The following POLH variants were observed in gnomAD, a reference collection of about 807,000 sequenced individuals.
POLH encodes the protein DNA polymerase eta, also known as DNA polymerase eta transcript.
Under a neutral mutation model 73.6 loss-of-function variants are expected in POLH, and 53 were observed. The ratio of observed to expected loss-of-function variants is 0.72; its 90% CI spans 0.58 to 0.91. The LOEUF (loss-of-function observed/expected upper bound fraction) is 0.91. Among genes scored for constraint, POLH ranks in the 40% least tolerant of loss-of-function variants. The pLI is 0.00. For synonymous variants in POLH, 292 were observed against 308.5 expected (o/e 0.95, Z 0.56); for missense variants, 768 against 865.4 (o/e 0.89, Z 1.41).
chr6:43,589,631 C>A (rs367943982), intron 4 of POLH, among the ~76,000 whole-genome samples: 32 of 150,992 alleles, frequency 2.1e-4, no homozygotes, highest in Admixed American at 9.9e-4. Context: ...ATTATTAGTT[C>A]CTTGTCTTTT....
chr6:43,616,596 AAAAAC>A lies in POLH; in HGVS notation c.*2044_*2048del, dbSNP rs1216570840. On this transcript the variant is annotated 3_prime_UTR_variant, in exon 11 of 11. Coordinates refer to ENST00000372236, the MANE Select transcript of POLH (RefSeq NM_006502.3). ...AGTGAGAGACTGTCTCAAAAAAAAAAAAAACAAAAGAAAAACTTCTCTCTAGCTCT... is the reference window on the plus strand; with the variant it reads ...AGTGAGAGACTGTCTCAAAAAAAAAAAAAAGAAAAACTTCTCTCTAGCTCT... 6.6e-6 allele frequency among the ~76,000 whole-genome samples: 1 copy of A among 151,864 alleles called. No homozygotes were observed. Among genetic ancestry groups the A allele is most frequent in the Non-Finnish European group, 1.5e-5 (1 of 67,988 alleles).
chr6:43,610,228 G>GT (rs1767754027), intron 9 of POLH, among the ~76,000 whole-genome samples: 1 of 151,144 alleles, frequency 6.6e-6, no homozygotes, highest in African/African-American at 2.4e-5. Context: ...CGACTGGCTA[G>GT]TTTTTTTGTA....
intron 7 of POLH, among the ~76,000 whole-genome samples, 189 bp downstream of exon 7, chr6:43,604,200 A>T (rs1767030520): frequency 6.6e-6 from 1 of 152,148 alleles, no homozygotes. Context: ...AGTTTTTTCC[A>T]TGTACCTAGG....
At position 43,610,993 on chromosome 6, in the gene POLH, A is replaced by G. The variant is rs3757268; in HGVS notation, c.1244+270A>G. Among the ~76,000 whole-genome samples, 28,638 of 152,078 alleles carry G rather than the reference A, an allele frequency of 0.19. 5,754 individuals carry two copies. The highest frequency in any genetic ancestry group is 0.51 in the African/African-American group (21,076 of 41,432). On this transcript the variant is annotated intron_variant, in intron 10 of 10. Coordinates refer to ENST00000372236, the MANE Select transcript of POLH (RefSeq NM_006502.3). Reference sequence around the variant, plus strand: ...TGTAATCCCAGCACTTTGGGAGGCCAAGGTGGGTGAATCACCTGAGGTCTG... The same window carrying G: ...TGTAATCCCAGCACTTTGGGAGGCCGAGGTGGGTGAATCACCTGAGGTCTG...
chr6:43,590,454 T>G (rs939058142), intron 4 of POLH, among the ~76,000 whole-genome samples: 18 of 152,066 alleles, frequency 1.2e-4, no homozygotes, highest in Admixed American at 3.3e-4. Flanking sequence ...TGAGGGTTTT[T>G]TTTTTGTTTT....
intron 2 of POLH, 95 bp downstream of exon 2, chr6:43,582,551 A>G: frequency 8.0e-7 from 1 of 1,252,404 alleles, no homozygotes; most frequent in Admixed American, 1.7e-5. Flanking sequence ...TGGTGGTGAC[A>G]GGGCCTTTCT....
At position 43,604,656 on chromosome 6, in the gene POLH, C is replaced by T; in HGVS notation, c.926C>T (p.Pro309Leu). ...YAMCRGIEHD[P>L]VKPRQLPKTI... ...ATGTGCCGAGGGATTGAACATGATC[C>T]AGTTAAACCCAGGCAACTACCCAAA... The change falls in exon 8 of 11, where the codon CCA becomes CTA. Residue 309 changes from proline (P) to leucine (L), a missense_variant. Coordinates refer to ENST00000372236, the MANE Select transcript of POLH (RefSeq NM_006502.3). 1 of 1,613,932 alleles carries T rather than the reference C, an allele frequency of 6.2e-7. No homozygotes were observed. The highest frequency in any genetic ancestry group is 8.5e-7 in the Non-Finnish European group (1 of 1,179,826).
chr6:43,617,041 T>A lies in POLH; in HGVS notation c.*2484T>A, dbSNP rs766681109. On this transcript the variant is annotated 3_prime_UTR_variant, in exon 11 of 11. Coordinates refer to ENST00000372236, the MANE Select transcript of POLH (RefSeq NM_006502.3). ...CCTGTATCTACTAAAAATACAAAAA[T>A]TAGCCGGGCATGGTGGTGGGTGCGT... is the stretch of plus-strand genomic sequence containing the variant. Among the ~76,000 whole-genome samples the A allele has an allele frequency of 6.6e-6, 1 of 152,014 alleles. No homozygotes were observed.
chr6:43,578,114 C>T (rs1414091221), intron 1 of POLH, among the ~76,000 whole-genome samples: 5 of 151,550 alleles, frequency 3.3e-5, no homozygotes, highest in South Asian at 2.1e-4. Flanking sequence ...AGGCCGAGCG[C>T]GATGGCTCAC....
intron 4 of POLH, among the ~76,000 whole-genome samples, chr6:43,588,062 C>CT (rs1271597528): frequency 6.6e-6 from 1 of 152,158 alleles, no homozygotes; most frequent in Non-Finnish European, 1.5e-5. Flanking sequence ...AGAAGGCTGA[C>CT]TGAGCACTTT....
At chr6:43,599,642 T>G (rs1766507552) in intron 5 of POLH, among the ~76,000 whole-genome samples, 1 of 150,882 alleles carries the variant, frequency 6.6e-6, no homozygotes, top group South Asian at 2.1e-4. Context: ...TTGGTGTTTT[T>G]TTTTTTCCTG....
Position 43,619,925 on chromosome 6 carries a change from T to G in POLH, c.*5368T>G, listed in dbSNP as rs1768602172. On this transcript the variant is annotated 3_prime_UTR_variant, in exon 11 of 11. Transcript: ENST00000372236. ...GCCACATAGGACTTTGGGTCACATA[T>G]TTCTTTTCCAGGGTCTCCTCAAAAT... is the stretch of plus-strand genomic sequence containing the variant. 6.6e-6 allele frequency among the ~76,000 whole-genome samples: 1 copy of G among 152,202 alleles called. No individual in the cohort carries two copies. The highest frequency in any genetic ancestry group is 2.4e-5 in the African/African-American group (1 of 41,444).
At chr6:43,604,997 G>C (rs1349374148) in intron 8 of POLH, among the ~76,000 whole-genome samples, 1 of 152,146 alleles carries the variant, frequency 6.6e-6, no homozygotes, top group East Asian at 1.9e-4. Flanking sequence ...TCAAGTTTGG[G>C]TCTTGTCTTT....
chr6:43,582,530 G>A, intron 2 of POLH, 74 bp downstream of exon 2: 7 of 1,252,344 alleles, frequency 5.6e-6, no homozygotes, highest in Non-Finnish European at 7.0e-6. Flanking sequence ...TTGTTGTTGT[G>A]GTGGTGGTGG....
At position 43,583,659 on chromosome 6, in the gene POLH, C is replaced by T. The variant is rs541178039; in HGVS notation, c.272+518C>T. Among the ~76,000 whole-genome samples, 185 of 152,284 alleles carry T rather than the reference C, an allele frequency of 1.2e-3. 1 individual carries two copies. Among genetic ancestry groups the T allele is most frequent in the Non-Finnish European group, 1.4e-3 (97 of 68,028 alleles). On this transcript the variant is annotated intron_variant, in intron 3 of 10. Transcript: ENST00000372236. ...AGCATAGCTAAGTCAGAGGTAGGCA[C>T]AAACCCCAGCCTTTAATCCTAACAG...
At position 43,598,073 on chromosome 6, in the gene POLH, TGTACAC is replaced by T. The variant is rs1766293888; in HGVS notation, c.660+209_660+214del. Among the ~76,000 whole-genome samples the T allele has an allele frequency of 3.3e-5, 5 of 151,558 alleles. No homozygotes were observed. The South Asian group carries it at 1.0e-3, about 32-fold the overall frequency. On this transcript the variant is annotated intron_variant, in intron 5 of 10. Coordinates refer to ENST00000372236, the MANE Select transcript of POLH (RefSeq NM_006502.3). ...ACAAAAAATTAGCCAGGCGTGGTGG[TGTACAC>T]CTACAGTCCCAGCTACTCAGGAGGC...
Position 43,618,187 on chromosome 6 carries a change from C to T in POLH, c.*3630C>T, listed in dbSNP as rs901803673. ...ATTATTTTTTTTTGAGATGGAGTCT[C>T]GCTGTGTAGCCAGGCTGGAGTGCAG... On this transcript the variant is annotated 3_prime_UTR_variant, in exon 11 of 11. Transcript: ENST00000372236. 4.6e-5 allele frequency among the ~76,000 whole-genome samples: 7 copies of T among 151,894 alleles called. No homozygotes were observed. Among genetic ancestry groups the T allele is most frequent in the Admixed American group, 1.3e-4 (2 of 15,216 alleles).
intron 5 of POLH, among the ~76,000 whole-genome samples, chr6:43,598,434 C>T (rs1007831131): frequency 6.6e-6 from 1 of 151,054 alleles, no homozygotes; most frequent in Admixed American, 6.6e-5. Context: ...CGAGACCAGC[C>T]TGACCAATAT....
intron 4 of POLH, among the ~76,000 whole-genome samples, chr6:43,593,580 A>G (rs1368620847): frequency 1.3e-5 from 2 of 152,142 alleles, no homozygotes; most frequent in African/African-American, 4.8e-5. Context: ...TGCCAAGATA[A>G]TTCAACAAGA....
Sources: allele counts gnomAD v4.1 joint callset (sites outside exome capture counted in the v4.1 genomes callset), GRCh38; gene constraint gnomAD v4.1.1; transcripts MANE v1.5; gene names NCBI Gene and HGNC (gene_info 2026-07-23, HGNC 2026-07-21).